Variants in SLC9A9 observed in about 807,000 individuals in gnomAD.
SLC9A9 encodes the protein sodium/hydrogen exchanger 9.
Under a neutral mutation model 77.8 loss-of-function variants are expected in SLC9A9, and 62 were observed. That is an observed-to-expected ratio of 0.80 (90% CI 0.65 to 0.98). SLC9A9 has a LOEUF of 0.98. Among genes scored for constraint, SLC9A9 ranks in the 50% least tolerant of loss-of-function variants. The probability of loss-of-function intolerance (pLI) is 0.00; values close to 1 mark genes in which losing one functional copy is unlikely to be tolerated. For synonymous variants in SLC9A9, 320 were observed against 283.5 expected, an observed-to-expected ratio of 1.13 and a Z score of -1.29; for missense variants, 775 against 774.9, an observed-to-expected ratio of 1.00 and a Z score of 0.00.
At chr3:143,285,879 GGAGCT>G (rs1938367191) in intron 14 of SLC9A9, among the ~76,000 whole-genome samples, 1 of 152,210 alleles carries the variant, frequency 6.6e-6, no homozygotes, top group African/African-American at 2.4e-5. Flanking sequence ...CCATGGAACA[GGAGCT>G]GAGAACTCTT....
Position 143,363,509 on chromosome 3 carries a change from T to G in SLC9A9, c.1579A>C (p.Arg527=), listed in dbSNP as rs1402059155. ...TTGTGGTCAAAGCTATACCACATTCTGAAGAGCCGAGCACTCTCTGCTTTC... is the reference window on the plus strand; with the variant it reads ...TTGTGGTCAAAGCTATACCACATTCGGAAGAGCCGAGCACTCTCTGCTTTC... ...MTKAESARLF[R]MWYSFDHKYL... is the part of the protein sequence containing the mutation. The change falls in exon 14 of 16, where the codon AGA becomes CGA. Residue 527 remains arginine, a synonymous_variant. Transcript: ENST00000316549. The G allele has an allele frequency of 6.2e-7, 1 of 1,612,988 alleles. No homozygotes were observed. The highest frequency in any genetic ancestry group is 1.1e-5 in the South Asian group (1 of 91,064).
chr3:143,715,960 T>C (rs1934334470), intron 4 of SLC9A9, among the ~76,000 whole-genome samples: 1 of 152,220 alleles, frequency 6.6e-6, no homozygotes, highest in African/African-American at 2.4e-5. Flanking sequence ...AAGAGTAAAT[T>C]GTTTTCTGTC....
chr3:143,362,112 G>A (rs970795611), intron 14 of SLC9A9, among the ~76,000 whole-genome samples: 8 of 152,130 alleles, frequency 5.3e-5, no homozygotes, highest in Admixed American at 2.6e-4. Context: ...TTCTAAGAAC[G>A]AGCTTCCCTT....
At chr3:143,518,231 G>A (rs1170684542) in intron 9 of SLC9A9, 10 of 1,593,782 alleles carry the variant, frequency 6.3e-6, no homozygotes, top group Non-Finnish European at 7.7e-6. Flanking sequence ...GGGGTCCATG[G>A]CAGGGAGGTG....
At chr3:143,466,064 T>C (rs894660124) in intron 12 of SLC9A9, among the ~76,000 whole-genome samples, 13 of 152,192 alleles carry the variant, frequency 8.5e-5, no homozygotes, top group African/African-American at 3.1e-4. Context: ...TTTTCATGAA[T>C]TATGTATTCA....
intron 1 of SLC9A9, among the ~76,000 whole-genome samples, chr3:143,832,986 A>G (rs1051000158): frequency 6.6e-6 from 1 of 152,148 alleles, no homozygotes; most frequent in African/African-American, 2.4e-5. Flanking sequence ...ATGACACCAC[A>G]TTCCTTTTCA....
At chr3:143,465,007 G>A (rs1327176177) in intron 12 of SLC9A9, among the ~76,000 whole-genome samples, 4 of 152,118 alleles carry the variant, frequency 2.6e-5, no homozygotes, top group Non-Finnish European at 5.9e-5. Context: ...TCATCAACTT[G>A]CTCACTAGAC....
intron 2 of SLC9A9, among the ~76,000 whole-genome samples, chr3:143,814,801 A>G (rs1371240969): frequency 1.3e-5 from 2 of 152,150 alleles, no homozygotes; most frequent in Non-Finnish European, 2.9e-5. Flanking sequence ...AAGGAGTTTA[A>G]GGACCAAGGG....
intron 11 of SLC9A9, among the ~76,000 whole-genome samples, chr3:143,469,330 A>G (rs1056060683): frequency 6.6e-6 from 1 of 152,196 alleles, no homozygotes; most frequent in Non-Finnish European, 1.5e-5. Flanking sequence ...GACATGCAAG[A>G]CATTTATAGT....
At chr3:143,635,785 C>T (rs538292246) in intron 6 of SLC9A9, among the ~76,000 whole-genome samples, 43 of 152,228 alleles carry the variant, frequency 2.8e-4, no homozygotes, top group Non-Finnish European at 5.0e-4. Context: ...CTATCAGGTC[C>T]GAGAGAAACA....
intron 2 of SLC9A9, among the ~76,000 whole-genome samples, chr3:143,806,682 G>C (rs551964535): frequency 1.9e-4 from 29 of 150,618 alleles, no homozygotes; most frequent in Admixed American, 1.9e-3. Context: ...CTCATGGAGA[G>C]AAAGAGTAAG....
chr3:143,370,161 A>G (rs2033015087), intron 13 of SLC9A9, among the ~76,000 whole-genome samples: 2 of 152,216 alleles, frequency 1.3e-5, no homozygotes, highest in Admixed American at 6.5e-5. Context: ...TTTTTTATGC[A>G]GCAATAGAAA....
At chr3:143,299,691 C>T (rs1344940830) in intron 14 of SLC9A9, among the ~76,000 whole-genome samples, 2 of 152,144 alleles carry the variant, frequency 1.3e-5, no homozygotes, top group Non-Finnish European at 2.9e-5. Context: ...GATCCGCCTG[C>T]CTTGGCCTCC....
At chr3:143,532,901 C>T (rs2036535173) in intron 9 of SLC9A9, among the ~76,000 whole-genome samples, 1 of 152,200 alleles carries the variant, frequency 6.6e-6, no homozygotes, top group Admixed American at 6.5e-5. Context: ...CCTGTTCACA[C>T]CTAATTATTC....
At chr3:143,463,782 G>A (rs2035236944) in intron 12 of SLC9A9, among the ~76,000 whole-genome samples, 1 of 152,078 alleles carries the variant, frequency 6.6e-6, no homozygotes. Context: ...AACAGCTCCA[G>A]GACAAGAAAT....
chr3:143,536,493 C>A (rs1458984643), intron 9 of SLC9A9, among the ~76,000 whole-genome samples: 1 of 152,114 alleles, frequency 6.6e-6, no homozygotes, highest in African/African-American at 2.4e-5. Context: ...AAGTAGATTC[C>A]CATTTTTTAA....
chr3:143,725,735 G>T (rs1271509771), intron 4 of SLC9A9, among the ~76,000 whole-genome samples: 1 of 132,614 alleles, frequency 7.5e-6, no homozygotes, highest in Admixed American at 7.9e-5. Context: ...GGGGACTGTT[G>T]TGGGGTGGGG....
intron 5 of SLC9A9, among the ~76,000 whole-genome samples, chr3:143,664,049 T>A (rs1401805719): frequency 6.7e-6 from 1 of 150,292 alleles, no homozygotes; most frequent in East Asian, 2.0e-4. Flanking sequence ...AAGGTTGAAA[T>A]GAAGGAAAAA....
At chr3:143,450,525 T>C (rs1025638000) in intron 12 of SLC9A9, among the ~76,000 whole-genome samples, 3 of 152,060 alleles carry the variant, frequency 2.0e-5, no homozygotes, top group Non-Finnish European at 4.4e-5. Flanking sequence ...AAAATAATTT[T>C]CTGGTTTTCT....
Sources: allele counts gnomAD v4.1 joint callset (sites outside exome capture counted in the v4.1 genomes callset), GRCh38; gene constraint gnomAD v4.1.1; transcripts MANE v1.5; gene names NCBI Gene and HGNC (gene_info 2026-07-23, HGNC 2026-07-21).